Variants in DGKI observed in about 807,000 individuals in gnomAD.
DGKI encodes DAG kinase iota.
A neutral mutation model predicts 147.5 loss-of-function variants in DGKI; 55 were observed. The observed-to-expected ratio is 0.37, with a 90% CI of 0.30 to 0.47. The LOEUF is 0.47. Ranked by LOEUF, DGKI falls within the 20% of genes least tolerant of loss-of-function variation. The pLI is 1.00. For synonymous variants in DGKI, 469 were observed against 477.1 expected, an observed-to-expected ratio of 0.98 and a Z score of 0.22; for missense variants, 1,007 against 1,323.8, an observed-to-expected ratio of 0.76 and a Z score of 3.71.
rs543169333 is a variant in DGKI at position 137,496,254 on chromosome 7, G to A, written c.2249-8565C>T. On this transcript the variant is annotated intron_variant, in intron 21 of 32. Coordinates refer to ENST00000614521, the MANE Select transcript of DGKI (RefSeq NM_001321708.2). The stretch of plus-strand genomic sequence containing the variant: ...ATACCTAGGAATACAGCTAACCAGG[G>A]AGATGAAAGATCTCTATAATGACAA... Among the ~76,000 whole-genome samples, 19 of 152,164 alleles carry A rather than the reference G, an allele frequency of 1.2e-4. No homozygotes were observed. In the South Asian group the frequency reaches 3.9e-3, roughly 32 times the overall value.
intron 23 of DGKI, among the ~76,000 whole-genome samples, chr7:137,482,868 G>A (rs568276362): frequency 7.0e-4 from 106 of 151,886 alleles, no homozygotes; most frequent in African/African-American, 2.3e-3. Context: ...CTCTTCTTGC[G>A]CCTTCCTTGT....
intron 28 of DGKI, among the ~76,000 whole-genome samples, chr7:137,427,204 C>T (rs1399337587): frequency 1.3e-5 from 2 of 152,172 alleles, no homozygotes; most frequent in Non-Finnish European, 2.9e-5. Flanking sequence ...AACTGTCTCT[C>T]AGACCACAGT....
At chr7:137,438,904 T>C (rs545058589) in intron 28 of DGKI, among the ~76,000 whole-genome samples, 2 of 152,074 alleles carry the variant, frequency 1.3e-5, no homozygotes, top group Non-Finnish European at 1.5e-5. Context: ...TACACACATA[T>C]AGGAATACAT....
chr7:137,394,408 G>A (rs1811473796), intron 32 of DGKI, among the ~76,000 whole-genome samples: 1 of 152,168 alleles, frequency 6.6e-6, no homozygotes, highest in Non-Finnish European at 1.5e-5. Flanking sequence ...GGACACCCCT[G>A]CTCTATGGTG....
intron 32 of DGKI, 100 bp downstream of exon 32, chr7:137,395,498 T>C (rs7792568): frequency 1.3e-5 from 14 of 1,111,306 alleles, no homozygotes; most frequent in Admixed American, 3.9e-5. Flanking sequence ...GGCACTTCCA[T>C]AAGCACAGAA....
chr7:137,768,676 TC>T (rs1345145920), intron 1 of DGKI, among the ~76,000 whole-genome samples: 1 of 152,168 alleles, frequency 6.6e-6, no homozygotes, highest in Non-Finnish European at 1.5e-5. Context: ...GTGCCCTGAA[TC>T]TTTGCCCCAT....
At chr7:137,487,808 G>C in intron 21 of DGKI, 119 bp from the exon 22 acceptor site, 1 of 872,774 alleles carries the variant, frequency 1.1e-6, no homozygotes, top group Non-Finnish European at 1.8e-6. Context: ...TTTTAGATAT[G>C]TCCGTAAAAA....
At position 137,406,888 on chromosome 7, in the gene DGKI, TGAATGAATCAATGAATG is replaced by T. The variant is rs748936587; in HGVS notation, c.2920+970_2920+986del. 8.0e-4 allele frequency among the ~76,000 whole-genome samples: 78 copies of T among 97,092 alleles called. No individual in the cohort carries two copies. The East Asian group carries it at 0.014, about 18-fold the overall frequency. 63.7% of individuals were successfully genotyped at this position (97,092 alleles called of 152,430 possible). A position where few individuals can be genotyped will look rare whatever the true frequency, so the allele number is the denominator to read the frequency against. On this transcript the variant is annotated intron_variant, in intron 30 of 32. Transcript: ENST00000614521. Reference sequence around the variant, plus strand: ...AGGCACTACACAAATATTTGTTAAATGAATGAATCAATGAATGGAATAAGACATACTTGCTGAATTGC... The same window carrying T: ...AGGCACTACACAAATATTTGTTAAATGAATAAGACATACTTGCTGAATTGC...
chr7:137,828,378 T>C (rs945818274), intron 1 of DGKI, among the ~76,000 whole-genome samples: 13 of 152,188 alleles, frequency 8.5e-5, no homozygotes, highest in African/African-American at 2.9e-4. Context: ...ATCGAGAGGA[T>C]TCCTCATGCT....
intron 24 of DGKI, 120 bp from the exon 25 acceptor site, chr7:137,467,062 G>T: frequency 1.1e-6 from 1 of 890,304 alleles, no homozygotes; most frequent in Non-Finnish European, 1.8e-6. Flanking sequence ...TAGTCTCCTG[G>T]CCAGTCCCTA....
intron 1 of DGKI, among the ~76,000 whole-genome samples, chr7:137,801,868 C>T (rs568646285): frequency 6.6e-6 from 1 of 152,180 alleles, no homozygotes; most frequent in Non-Finnish European, 1.5e-5. Context: ...TCAACTTTAG[C>T]ATGTGCCCCC....
chr7:137,699,782 C>G (rs1398828918), intron 1 of DGKI, among the ~76,000 whole-genome samples: 1 of 152,176 alleles, frequency 6.6e-6, no homozygotes, highest in Non-Finnish European at 1.5e-5. Flanking sequence ...CACTTGGTCC[C>G]TTCCCCCTTC....
At chr7:137,615,549 G>C (rs1158950418) in intron 8 of DGKI, among the ~76,000 whole-genome samples, 1 of 151,664 alleles carries the variant, frequency 6.6e-6, no homozygotes, top group African/African-American at 2.4e-5. Flanking sequence ...GTGTGTGTGT[G>C]TGTGTGTGTG....
At chr7:137,829,901 T>C (rs1798169390) in intron 1 of DGKI, among the ~76,000 whole-genome samples, 2 of 152,140 alleles carry the variant, frequency 1.3e-5, no homozygotes, top group Admixed American at 1.3e-4. Context: ...AGGAGGACGA[T>C]GCAGGCATAA....
intron 31 of DGKI, 178 bp from the exon 32 acceptor site, chr7:137,395,875 A>G (rs1429441540): frequency 1.8e-6 from 1 of 567,042 alleles, no homozygotes; most frequent in Non-Finnish European, 3.2e-6. Context: ...TCCTTGAGCT[A>G]GCCATCAACT....
At chr7:137,698,417 C>T (rs966372344) in intron 1 of DGKI, among the ~76,000 whole-genome samples, 2 of 152,110 alleles carry the variant, frequency 1.3e-5, no homozygotes, top group Non-Finnish European at 2.9e-5. Context: ...ATAGTTGTAA[C>T]GGAAGCCTCA....
chr7:137,816,321 C>T (rs559564629), intron 1 of DGKI, among the ~76,000 whole-genome samples: 3 of 152,200 alleles, frequency 2.0e-5, no homozygotes, highest in Admixed American at 1.3e-4. Context: ...GAAAATAACT[C>T]TCTTTCTCAG....
chr7:137,485,413 T>A lies in DGKI; in HGVS notation c.2334A>T (p.Leu778=), dbSNP rs1815518966. 6.2e-7 allele frequency: 1 copy of A among 1,607,514 alleles called. No individual in the cohort carries two copies. Among genetic ancestry groups the A allele is most frequent in the Non-Finnish European group, 8.5e-7 (1 of 1,176,806 alleles). The change falls in exon 23 of 33, where the codon CTA becomes CTT. Residue 778 remains leucine, a synonymous_variant. Transcript: ENST00000614521. ...TCTGGGAGCCAGAAGAAACTGACTG[T>A]AGGTCCTAATGAGAAAATGAAAAAA... ...RMYIDRLQED[L]QSVSSGSQRV...
At chr7:137,605,005 C>A (rs706572) in intron 10 of DGKI, among the ~76,000 whole-genome samples, 14,346 of 152,046 alleles carry the variant, frequency 0.094, 2,229 homozygotes, top group African/African-American at 0.32. Context: ...CTCTTTCCAC[C>A]GAAGGAGGTA....
Sources: allele counts gnomAD v4.1 joint callset (sites outside exome capture counted in the v4.1 genomes callset), GRCh38; gene constraint gnomAD v4.1.1; transcripts MANE v1.5; gene names NCBI Gene and HGNC (gene_info 2026-07-23, HGNC 2026-07-21).